BRD3OS: variants seen among roughly 807,000 people sequenced by gnomAD.
BRD3OS encodes uncharacterized protein BRD3OS.
In BRD3OS at chr9:134,026,802, C is replaced by T. The variant is rs1377622639; in HGVS notation, c.55C>T (p.Leu19Phe). The T allele has an allele frequency of 5.0e-6, 2 of 398,822 alleles. No homozygotes were observed. The highest frequency in any genetic ancestry group is 8.8e-6 in the Non-Finnish European group (2 of 226,098). 24.7% of individuals were successfully genotyped at this position (398,822 alleles called of 1,614,324 possible). A position where few individuals can be genotyped will look rare whatever the true frequency, so the allele number is the denominator to read the frequency against. ...GGCCTTGTCTGAAGGCTACGCCCGC[C>T]TCCGGTACAGGGACACCTCCTTGCT... is the stretch of plus-strand genomic sequence containing the variant. ...EKALSEGYAR[L>F]RYRDTSLLIW... is the part of the protein sequence containing the mutation. The change falls in exon 3 of 3, where the codon CTC becomes TTC. Residue 19 changes from leucine to phenylalanine, a missense_variant. Coordinates refer to ENST00000603928, the MANE Select transcript of BRD3OS (RefSeq NM_001355256.2). The surrounding 1 kb of genome is among the most constrained non-coding windows in gnomAD (Gnocchi z 4.4).
chr9:134,026,261 G>C lies in BRD3OS; in HGVS notation c.-487G>C, dbSNP rs554954984. ...AACAAACGCTGGGGCTGGATCCCCA[G>C]GGTGGGTCAGAACAGCCGTTGCCCT... On this transcript the variant is annotated 5_prime_UTR_variant, in exon 3 of 3. Coordinates refer to ENST00000603928, the MANE Select transcript of BRD3OS (RefSeq NM_001355256.2). This position sits in a 1 kb window ranked among gnomAD's most constrained non-coding sequence, Gnocchi z 4.4. The C allele has an allele frequency of 2.6e-5, 4 of 152,818 alleles. No homozygotes were observed. In the South Asian group the frequency reaches 8.3e-4, roughly 32 times the overall value. 9.5% of individuals were successfully genotyped at this position (152,818 alleles called of 1,614,324 possible). A position where few individuals can be genotyped will look rare whatever the true frequency, so the allele number is the denominator to read the frequency against.
chr9:134,026,690 C>A lies in BRD3OS; in HGVS notation c.-58C>A. 1 of 398,164 alleles carries A rather than the reference C, an allele frequency of 2.5e-6. No homozygotes were observed. The highest frequency in any genetic ancestry group is 4.4e-5 in the Admixed American group (1 of 22,706). 24.7% of individuals were successfully genotyped at this position (398,164 alleles called of 1,614,324 possible). A position where few individuals can be genotyped will look rare whatever the true frequency, so the allele number is the denominator to read the frequency against. On this transcript the variant is annotated 5_prime_UTR_variant, in exon 3 of 3. Coordinates refer to ENST00000603928, the MANE Select transcript of BRD3OS (RefSeq NM_001355256.2). This position sits in a 1 kb window ranked among gnomAD's most constrained non-coding sequence, Gnocchi z 4.4. ...GGGAAAGCTGTCCGTTAATTTAGTG[C>A]GCGTGGGCCGTCTCAGAACAGCAGG... is the stretch of plus-strand genomic sequence containing the variant.
Position 134,029,766 on chromosome 9 carries a change from G to A in BRD3OS, c.*2764G>A, listed in dbSNP as rs1004298946. On this transcript the variant is annotated 3_prime_UTR_variant, in exon 3 of 3. Transcript: ENST00000603928. ...CTTCAGGATAGACTGAGGTGCAGAG[G>A]GAGGGGACAAGCGGCCAGGTTGACT... 2 of 152,264 alleles carry A rather than the reference G, an allele frequency of 1.3e-5. No individual in the cohort carries two copies. The highest frequency in any genetic ancestry group is 2.9e-5 in the Non-Finnish European group (2 of 68,076). 9.4% of individuals were successfully genotyped at this position (152,264 alleles called of 1,614,324 possible).
chr9:134,031,232 G>C lies in BRD3OS; in HGVS notation c.*4230G>C, dbSNP rs1275036957. ...ACCAGCCGAGAAGGAAAGGCCCCACGATGCTCCTGCTGCGCTGCCCCCACA... is the reference window on the plus strand; with the variant it reads ...ACCAGCCGAGAAGGAAAGGCCCCACCATGCTCCTGCTGCGCTGCCCCCACA... On this transcript the variant is annotated 3_prime_UTR_variant, in exon 3 of 3. Coordinates refer to ENST00000603928, the MANE Select transcript of BRD3OS (RefSeq NM_001355256.2). 10 of 215,720 alleles carry C rather than the reference G, an allele frequency of 4.6e-5. No homozygotes were observed. The highest frequency in any genetic ancestry group is 8.4e-5 in the Non-Finnish European group (9 of 107,086). The allele number at this position is 215,720 out of a possible 1,614,324, so 13.4% of individuals were successfully genotyped here.
chr9:134,027,233 G>T lies in BRD3OS; in HGVS notation c.*231G>T, dbSNP rs955672015. The T allele has an allele frequency of 8.9e-6, 3 of 336,824 alleles. No individual in the cohort carries two copies. The highest frequency in any genetic ancestry group is 1.6e-5 in the Non-Finnish European group (3 of 187,516). 20.9% of individuals were successfully genotyped at this position (336,824 alleles called of 1,614,324 possible). On this transcript the variant is annotated 3_prime_UTR_variant, in exon 3 of 3. Coordinates refer to ENST00000603928, the MANE Select transcript of BRD3OS (RefSeq NM_001355256.2). ...CTTCCCCTCTAGAGTCCCCTCCGTG[G>T]TCAGCTGTTGTGACATTTGAATTCT...
At position 134,030,523 on chromosome 9, in the gene BRD3OS, T is replaced by TTAAGAAAAGTTACGG. The variant is rs1843496726; in HGVS notation, c.*3525_*3539dup. On this transcript the variant is annotated 3_prime_UTR_variant, in exon 3 of 3. Coordinates refer to ENST00000603928, the MANE Select transcript of BRD3OS (RefSeq NM_001355256.2). ...TATACTAGAAACGGCACTAAAAAGT[T>TTAAGAAAAGTTACGG]TAAGAAAAGTTACGGTAAACTTGCA... 2 of 209,418 alleles carry TTAAGAAAAGTTACGG rather than the reference T, an allele frequency of 9.6e-6. No homozygotes were observed. The highest frequency in any genetic ancestry group is 1.4e-4 in the East Asian group (2 of 13,924). The allele number at this position is 209,418 out of a possible 1,614,324, so 13.0% of individuals were successfully genotyped here. A position where few individuals can be genotyped will look rare whatever the true frequency, so the allele number is the denominator to read the frequency against.
chr9:134,027,222 T>G lies in BRD3OS; in HGVS notation c.*220T>G. ...TGCACAGGACACTTCCCCTCTAGAG[T>G]CCCCTCCGTGGTCAGCTGTTGTGAC... is the stretch of plus-strand genomic sequence containing the variant. On this transcript the variant is annotated 3_prime_UTR_variant, in exon 3 of 3. Coordinates refer to ENST00000603928, the MANE Select transcript of BRD3OS (RefSeq NM_001355256.2). The G allele has an allele frequency of 2.4e-5, 8 of 339,472 alleles. No homozygotes were observed. Among genetic ancestry groups the G allele is most frequent in the Non-Finnish European group, 2.6e-5 (5 of 189,618 alleles). The allele number at this position is 339,472 out of a possible 1,614,324, so 21.0% of individuals were successfully genotyped here. A position where few individuals can be genotyped will look rare whatever the true frequency, so the allele number is the denominator to read the frequency against.
rs983724993 is a variant in BRD3OS, at chr9:134,029,521, C to T, written c.*2519C>T. 1 of 152,266 alleles carries T rather than the reference C, an allele frequency of 6.6e-6. No homozygotes were observed. Among genetic ancestry groups the T allele is most frequent in the South Asian group, 2.1e-4 (1 of 4,836 alleles). The allele number at this position is 152,266 out of a possible 1,614,324, so 9.4% of individuals were successfully genotyped here. A position where few individuals can be genotyped will look rare whatever the true frequency, so the allele number is the denominator to read the frequency against. On this transcript the variant is annotated 3_prime_UTR_variant, in exon 3 of 3. Coordinates refer to ENST00000603928, the MANE Select transcript of BRD3OS (RefSeq NM_001355256.2). Reference sequence around the variant, plus strand: ...CCAGGAGTGTCACCGTGCCCCCTGACCCCATCTGGGGTCGGGCTGGACAGG... The same window carrying T: ...CCAGGAGTGTCACCGTGCCCCCTGATCCCATCTGGGGTCGGGCTGGACAGG...
At position 134,025,903 on chromosome 9, in the gene BRD3OS, T is replaced by C. The variant is rs1843423768; in HGVS notation, c.-728T>C. 1.3e-5 allele frequency: 2 copies of C among 152,198 alleles called. No individual in the cohort carries two copies. The highest frequency in any genetic ancestry group is 4.8e-5 in the African/African-American group (2 of 41,454). 9.4% of individuals were successfully genotyped at this position (152,198 alleles called of 1,614,324 possible). A position where few individuals can be genotyped will look rare whatever the true frequency, so the allele number is the denominator to read the frequency against. On this transcript the variant is annotated 5_prime_UTR_variant, in exon 2 of 3. Coordinates refer to ENST00000603928, the MANE Select transcript of BRD3OS (RefSeq NM_001355256.2). ...AGGCGGCCCTGGGGGCCCCTTCCGG[T>C]CCCGGGGCTGACGCCTGGCGGCGTC...
chr9:134,029,029 G>A lies in BRD3OS; in HGVS notation c.*2027G>A, dbSNP rs1220608626. 1.3e-5 allele frequency: 2 copies of A among 152,298 alleles called. No homozygotes were observed. The highest frequency in any genetic ancestry group is 4.8e-5 in the African/African-American group (2 of 41,476). The allele number at this position is 152,298 out of a possible 1,614,324, so 9.4% of individuals were successfully genotyped here. Reference sequence around the variant, plus strand: ...ATTGCCGCATGGAGCTGCAGAGGGAGTGAGCATGGGGCTGGAGGACCTGCC... The same window carrying A: ...ATTGCCGCATGGAGCTGCAGAGGGAATGAGCATGGGGCTGGAGGACCTGCC... On this transcript the variant is annotated 3_prime_UTR_variant, in exon 3 of 3. Transcript: ENST00000603928.
rs757441955 is a variant in BRD3OS at position 134,031,187 on chromosome 9, C to T, written c.*4185C>T. 2.0e-4 allele frequency: 44 copies of T among 222,894 alleles called. No individual in the cohort carries two copies. Among genetic ancestry groups the T allele is most frequent in the Non-Finnish European group, 3.1e-4 (35 of 111,666 alleles). 13.8% of individuals were successfully genotyped at this position (222,894 alleles called of 1,614,324 possible). On this transcript the variant is annotated 3_prime_UTR_variant, in exon 3 of 3. Coordinates refer to ENST00000603928, the MANE Select transcript of BRD3OS (RefSeq NM_001355256.2). ...CTAGATGAAAGGAGCAGAGGCGAGC[C>T]GACGCCACCGTCACAGAGAACCAGC... is the stretch of plus-strand genomic sequence containing the variant.
In BRD3OS at chr9:134,031,141, G is replaced by A. The variant is rs1235604491; in HGVS notation, c.*4139G>A. 2 of 227,344 alleles carry A rather than the reference G, an allele frequency of 8.8e-6. No homozygotes were observed. Among genetic ancestry groups the A allele is most frequent in the Non-Finnish European group, 1.7e-5 (2 of 114,498 alleles). 14.1% of individuals were successfully genotyped at this position (227,344 alleles called of 1,614,324 possible). ...CTGCTCAGTGTACCCGCCGTGGGCTGTCAGGGTCAGTGGCTTCTTTCTAGA... is the reference window on the plus strand; with the variant it reads ...CTGCTCAGTGTACCCGCCGTGGGCTATCAGGGTCAGTGGCTTCTTTCTAGA... On this transcript the variant is annotated 3_prime_UTR_variant, in exon 3 of 3. Transcript: ENST00000603928.
At position 134,030,306 on chromosome 9, in the gene BRD3OS, T is replaced by C. The variant is rs1299648518; in HGVS notation, c.*3304T>C. 5.8e-5 allele frequency: 1 copy of C among 17,314 alleles called. No individual in the cohort carries two copies. The highest frequency in any genetic ancestry group is 4.3e-4 in the African/African-American group (1 of 2,352). The allele number at this position is 17,314 out of a possible 1,614,324, so 1.1% of individuals were successfully genotyped here. A position where few individuals can be genotyped will look rare whatever the true frequency, so the allele number is the denominator to read the frequency against. On this transcript the variant is annotated 3_prime_UTR_variant, in exon 3 of 3. Coordinates refer to ENST00000603928, the MANE Select transcript of BRD3OS (RefSeq NM_001355256.2). ...AAAATGCAAAAAAAAAAAACAGTCTTTTTTTTTTTTTTTTTTTTTGCTTTT... is the reference window on the plus strand; with the variant it reads ...AAAATGCAAAAAAAAAAAACAGTCTCTTTTTTTTTTTTTTTTTTTGCTTTT...
chr9:134,027,761 G>T lies in BRD3OS; in HGVS notation c.*759G>T, dbSNP rs775932828. 6.6e-6 allele frequency: 1 copy of T among 152,230 alleles called. No homozygotes were observed. Among genetic ancestry groups the T allele is most frequent in the Non-Finnish European group, 1.5e-5 (1 of 68,046 alleles). The allele number at this position is 152,230 out of a possible 1,614,324, so 9.4% of individuals were successfully genotyped here. ...TGATCATCATCTGTGAAGCATCATG[G>T]TAGCTTCCAAGCATTTGCGGCCCAC... On this transcript the variant is annotated 3_prime_UTR_variant, in exon 3 of 3. Transcript: ENST00000603928.
At position 134,030,344 on chromosome 9, in the gene BRD3OS, A is replaced by G. The variant is rs1843494127; in HGVS notation, c.*3342A>G. The G allele has an allele frequency of 5.8e-6, 1 of 173,272 alleles. No homozygotes were observed. The highest frequency in any genetic ancestry group is 2.0e-4 in the South Asian group (1 of 4,944). 10.7% of individuals were successfully genotyped at this position (173,272 alleles called of 1,614,324 possible). Reference sequence around the variant, plus strand: ...TTTTTTTGCTTTTTATTATGAAAACAAAACAAATGCCCCAGGAGAAGGGTC... The same window carrying G: ...TTTTTTTGCTTTTTATTATGAAAACGAAACAAATGCCCCAGGAGAAGGGTC... On this transcript the variant is annotated 3_prime_UTR_variant, in exon 3 of 3. Coordinates refer to ENST00000603928, the MANE Select transcript of BRD3OS (RefSeq NM_001355256.2).
Position 134,025,507 on chromosome 9 carries a change from T to C in BRD3OS, c.-816T>C, listed in dbSNP as rs1270576137. On this transcript the variant is annotated 5_prime_UTR_variant, in exon 1 of 3. Coordinates refer to ENST00000603928, the MANE Select transcript of BRD3OS (RefSeq NM_001355256.2). ...GGAGCCCCGCAGTGCGTCGCGCCGC[T>C]GCCCGCATCTCCGAGGCCCGCGACG... 1 of 151,636 alleles carries C rather than the reference T, an allele frequency of 6.6e-6. No individual in the cohort carries two copies. The highest frequency in any genetic ancestry group is 6.6e-5 in the Admixed American group (1 of 15,246). 9.4% of individuals were successfully genotyped at this position (151,636 alleles called of 1,614,324 possible).
Position 134,028,409 on chromosome 9 carries a change from AAG to A in BRD3OS, c.*1412_*1413del, listed in dbSNP as rs1329230293. 1 of 151,770 alleles carries A rather than the reference AAG, an allele frequency of 6.6e-6. No individual in the cohort carries two copies. The allele number at this position is 151,770 out of a possible 1,614,324, so 9.4% of individuals were successfully genotyped here. A position where few individuals can be genotyped will look rare whatever the true frequency, so the allele number is the denominator to read the frequency against. On this transcript the variant is annotated 3_prime_UTR_variant, in exon 3 of 3. Coordinates refer to ENST00000603928, the MANE Select transcript of BRD3OS (RefSeq NM_001355256.2). ...TCACTTAATGCTTTTCTTTTTTTTT[AAG>A]AGAGTCTCACTCTGTTGCCCAGGCT...
Position 134,031,258 on chromosome 9 carries a change from GCCGGCCGCTCC to G in BRD3OS, c.*4259_*4269del, listed in dbSNP as rs578019423. On this transcript the variant is annotated 3_prime_UTR_variant, in exon 3 of 3. Transcript: ENST00000603928. ...ATGCTCCTGCTGCGCTGCCCCCACA[GCCGGCCGCTCC>G]CCCGACGGCTCACACAGGCAGCACC... 24 of 211,218 alleles carry G rather than the reference GCCGGCCGCTCC, an allele frequency of 1.1e-4. No individual in the cohort carries two copies. In the South Asian group the frequency reaches 4.3e-3, roughly 38 times the overall value. The allele number at this position is 211,218 out of a possible 1,614,324, so 13.1% of individuals were successfully genotyped here.
At position 134,031,011 on chromosome 9, in the gene BRD3OS, G is replaced by A. The variant is rs897616362; in HGVS notation, c.*4009G>A. The A allele has an allele frequency of 8.7e-5, 20 of 230,372 alleles. No homozygotes were observed. The highest frequency in any genetic ancestry group is 2.9e-4 in the African/African-American group (13 of 45,136). The allele number at this position is 230,372 out of a possible 1,614,324, so 14.3% of individuals were successfully genotyped here. Reference sequence around the variant, plus strand: ...CGGACGTGACTGTCACCCTCAGCCCGCCAGCAAGGGCGCTGAGGAAGTCAT... The same window carrying A: ...CGGACGTGACTGTCACCCTCAGCCCACCAGCAAGGGCGCTGAGGAAGTCAT... On this transcript the variant is annotated 3_prime_UTR_variant, in exon 3 of 3. Transcript: ENST00000603928.
Sources: gnomAD v4.1 joint callset for allele counts on GRCh38, gnomAD v4.1.1 for gene constraint, Gnocchi (gnomAD v3.1) non-coding constraint, MANE v1.5 for transcripts, NCBI Gene and HGNC (gene_info 2026-07-23, HGNC 2026-07-21) for gene names.